PDGFRA: variants seen among roughly 807,000 people sequenced by gnomAD.
PDGFRA encodes the protein platelet derived growth factor receptor alpha.
In PDGFRA, 25 loss-of-function variants were observed where a neutral mutation model predicts 121.5. The ratio of observed to expected loss-of-function variants is 0.21; its 90% CI spans 0.15 to 0.29. The LOEUF is 0.29. Ranked by LOEUF, PDGFRA falls within the 10% of genes least tolerant of loss-of-function variation. PDGFRA has a pLI of 1.00. For synonymous variants in PDGFRA, 463 were observed against 494.8 expected, an observed-to-expected ratio of 0.94 and a Z score of 0.85; for missense variants, 1,008 against 1,345.1, an observed-to-expected ratio of 0.75 and a Z score of 3.92.
intron 1 of PDGFRA, among the ~76,000 whole-genome samples, chr4:54,257,284 C>T (rs1420967906): frequency 1.3e-5 from 2 of 152,214 alleles, no homozygotes; most frequent in African/African-American, 4.8e-5. Context: ...CTCCCTGTTT[C>T]TGGGAAAATC....
intron 13 of PDGFRA, 94 bp downstream of exon 13, chr4:54,277,586 A>T: frequency 1.2e-6 from 1 of 849,990 alleles, no homozygotes; most frequent in Admixed American, 1.9e-5. Context: ...GCTAGTAAAT[A>T]AGACATTTAG....
In PDGFRA at chr4:54,288,897, G is replaced by A. The variant is rs1724488557; in HGVS notation, c.2773G>A (p.Val925Ile). ...CAAGCCTGACCACGCTACCAGTGAAGTGTGAGCTCCTTCCCCATCCCGGGG... is the reference window on the plus strand; with the variant it reads ...CAAGCCTGACCACGCTACCAGTGAAATGTGAGCTCCTTCCCCATCCCGGGG... ...MAKPDHATSE[V>I]YEIMVKCWNS... Residue 925 changes from valine to isoleucine, a missense_variant and splice_region_variant, in exon 20 of 23, where the codon GTC becomes ATC. Val to Ile is a conservative substitution (Grantham distance 29). Coordinates refer to ENST00000257290, the MANE Select transcript of PDGFRA (RefSeq NM_006206.6). 1 of 1,602,150 alleles carries A rather than the reference G, an allele frequency of 6.2e-7. No homozygotes were observed. Among genetic ancestry groups the A allele is most frequent in the Non-Finnish European group, 8.6e-7 (1 of 1,169,028 alleles).
intron 16 of PDGFRA, among the ~76,000 whole-genome samples, chr4:54,283,327 C>G (rs981529751): frequency 1.3e-5 from 2 of 152,216 alleles, no homozygotes; most frequent in African/African-American, 2.4e-5. Context: ...AGCCTCAACT[C>G]TTAACACTCT....
chr4:54,291,732 G>A (rs1251416406), intron 22 of PDGFRA, among the ~76,000 whole-genome samples: 1 of 152,202 alleles, frequency 6.6e-6, no homozygotes, highest in African/African-American at 2.4e-5. Flanking sequence ...ATTTCTCAAA[G>A]AACTTTTAAC....
chr4:54,286,057 T>C, intron 18 of PDGFRA, 94 bp downstream of exon 18: 1 of 1,302,128 alleles, frequency 7.7e-7, no homozygotes. Context: ...TGCCTGTTTT[T>C]TAAAACATCA....
At chr4:54,285,077 G>C (rs1300954914) in intron 16 of PDGFRA, among the ~76,000 whole-genome samples, 1 of 151,542 alleles carries the variant, frequency 6.6e-6, no homozygotes, top group Non-Finnish European at 1.5e-5. Context: ...TGTATTATTA[G>C]TAGAGATAGG....
At chr4:54,242,658 T>C (rs556481795) in intron 1 of PDGFRA, among the ~76,000 whole-genome samples, 161 of 152,204 alleles carry the variant, frequency 1.1e-3, no homozygotes, top group African/African-American at 3.7e-3. Context: ...GTGTTTTGTG[T>C]GTTTGTTGTT....
At chr4:54,285,317 C>T (rs1724282644) in intron 16 of PDGFRA, 54 bp from the exon 17 acceptor site, 2 of 802,302 alleles carry the variant, frequency 2.5e-6, no homozygotes, top group South Asian at 2.7e-5. Context: ...CCTCTGCAAC[C>T]TGATGATTTC....
intron 8 of PDGFRA, 134 bp from the exon 9 acceptor site, chr4:54,272,260 G>A (rs1455360210): frequency 4.6e-6 from 4 of 866,664 alleles, no homozygotes; most frequent in East Asian, 4.9e-5. Context: ...AGTGTTACTT[G>A]TACAACTGGT....
At chr4:54,267,772 T>C in intron 7 of PDGFRA, 31 bp downstream of exon 7, 1 of 1,582,934 alleles carries the variant, frequency 6.3e-7, no homozygotes, top group African/African-American at 1.3e-5. Flanking sequence ...AGTATGCCTT[T>C]TTTTAGTGTG....
intron 1 of PDGFRA, among the ~76,000 whole-genome samples, chr4:54,255,196 T>C (rs992023538): frequency 2.0e-5 from 3 of 152,192 alleles, no homozygotes; most frequent in African/African-American, 7.2e-5. Context: ...AGGGTTATTC[T>C]TCAGAAACAC....
chr4:54,274,702 A>C (rs2110297846), intron 11 of PDGFRA, 77 bp downstream of exon 11: 1 of 1,435,492 alleles, frequency 7.0e-7, no homozygotes. Context: ...AGTGCTTGGC[A>C]CAGAGAAGGA....
At position 54,297,662 on chromosome 4, in the gene PDGFRA, G is replaced by C. The variant is rs1560498324; in HGVS notation, c.*2390G>C. On this transcript the variant is annotated 3_prime_UTR_variant, in exon 23 of 23. Transcript: ENST00000257290. The stretch of plus-strand genomic sequence containing the variant: ...TTTGTATATGACTGCATTTGTGTGT[G>C]TGTGTGTGTTTTCAGCAAATTCCAG... 4.3e-6 allele frequency: 1 copy of C among 233,568 alleles called. No homozygotes were observed. The highest frequency in any genetic ancestry group is 2.2e-5 in the African/African-American group (1 of 45,342). 14.5% of individuals were successfully genotyped at this position (233,568 alleles called of 1,614,324 possible).
At chr4:54,231,703 A>G (rs1361650188) in intron 1 of PDGFRA, among the ~76,000 whole-genome samples, 3 of 152,210 alleles carry the variant, frequency 2.0e-5, no homozygotes, top group African/African-American at 7.2e-5. Context: ...CCTGCTTCGG[A>G]GCTTGCAGTT....
At chr4:54,281,602 C>G in intron 16 of PDGFRA, 2 of 1,353,038 alleles carry the variant, frequency 1.5e-6, no homozygotes, top group Non-Finnish European at 1.9e-6. Flanking sequence ...GGAGTTGGCA[C>G]GAGATGTCAG....
intron 8 of PDGFRA, among the ~76,000 whole-genome samples, chr4:54,271,376 A>G (rs1476868911): frequency 6.6e-6 from 1 of 152,222 alleles, no homozygotes; most frequent in Non-Finnish European, 1.5e-5. Context: ...TTGACCACAG[A>G]TTTAGAAAAG....
At chr4:54,266,259 C>T (rs191499755) in intron 5 of PDGFRA, among the ~76,000 whole-genome samples, 26 of 151,894 alleles carry the variant, frequency 1.7e-4, no homozygotes, top group African/African-American at 5.6e-4. Flanking sequence ...ATGTTTTTTC[C>T]GATTATAAAA....
rs777124683 is a variant in PDGFRA, at chr4:54,278,550, A to G, written c.2156+35A>G. 2.1e-5 allele frequency: 34 copies of G among 1,601,176 alleles called. 1 individual carries two copies. In the South Asian group the frequency reaches 3.3e-4, roughly 16 times the overall value. On this transcript the variant is annotated intron_variant, in intron 15 of 22. Transcript: ENST00000257290. ...AAGAGAGATGTTGCTGTCTATCATT[A>G]TCTTACAGGCATCACAAATGGAAAG... is the stretch of plus-strand genomic sequence containing the variant.
intron 1 of PDGFRA, among the ~76,000 whole-genome samples, chr4:54,243,141 C>T (rs1721401738): frequency 6.6e-6 from 1 of 152,172 alleles, no homozygotes; most frequent in African/African-American, 2.4e-5. Flanking sequence ...AGGTTGGCCA[C>T]CAGCCTTTGG....
Sources: allele counts gnomAD v4.1 joint callset (sites outside exome capture counted in the v4.1 genomes callset), GRCh38; gene constraint gnomAD v4.1.1; transcripts MANE v1.5; gene names NCBI Gene and HGNC (gene_info 2026-07-23, HGNC 2026-07-21).